Variants in CRYAB observed in about 807,000 individuals in gnomAD.
The protein encoded by CRYAB is alpha-crystallin B chain.
Under a neutral mutation model 12.7 loss-of-function variants are expected in CRYAB, and 9 were observed. That is an observed-to-expected ratio of 0.71 (90% CI 0.43 to 1.24). The LOEUF is 1.24. CRYAB is among the 50% of genes most tolerant of loss of function. The pLI, the probability that CRYAB is intolerant of heterozygous loss-of-function variation, is 0.00. For synonymous variants in CRYAB, 93 were observed against 86.8 expected (o/e 1.07, Z -0.40); for missense variants, 183 against 226.6 (o/e 0.81, Z 1.24).
chr11:111,912,687 C>T (rs868985098), upstream of CRYAB: 10 of 530,602 alleles, frequency 1.9e-5, 1 homozygote, highest in Admixed American at 5.7e-5. Flanking sequence ...CCCCTCCCCC[C>T]CCAAGAGGCT....
chr11:111,913,228 T>G, upstream of CRYAB: 1 of 547,776 alleles, frequency 1.8e-6, no homozygotes, highest in East Asian at 3.3e-5. Flanking sequence ...CTCCTCCTCC[T>G]TCTCCTCCTC....
intron 2 of CRYAB, chr11:111,909,991 T>C: frequency 1.7e-6 from 1 of 602,354 alleles, no homozygotes; most frequent in Non-Finnish European, 2.9e-6. Flanking sequence ...CATATGCTAA[T>C]TGGTCTGGAG....
At chr11:111,923,674 A>C (rs961135883) in intron 1 of CRYAB, 5 of 152,266 alleles carry the variant, frequency 3.3e-5, no homozygotes, top group African/African-American at 1.2e-4. Flanking sequence ...TCTGCCCTAC[A>C]GTGAGGGCAG....
upstream of CRYAB, chr11:111,912,738 T>G: frequency 2.0e-5 from 9 of 458,162 alleles, no homozygotes; most frequent in East Asian, 1.9e-4. Flanking sequence ...CCCCACCTCC[T>G]ATCGAGCCCT....
Position 111,911,593 on chromosome 11 carries a change from C to T in CRYAB, c.132G>A (p.Leu44=), listed in dbSNP as rs782054136. The T allele has an allele frequency of 6.2e-7, 1 of 1,613,286 alleles. No homozygotes were observed. The highest frequency in any genetic ancestry group is 1.1e-5 in the South Asian group (1 of 90,782). ...AGGGTGGCCGAAGGTAGAAGGGACT[C>T]AGGGAAGTAGACGTCGGGAAAAGAT... ...ESDLFPTSTS[L]SPFYLRPPSF... Residue 44 remains leucine (L), a synonymous_variant, in exon 1 of 3, where the codon CTG becomes CTA. Coordinates refer to ENST00000650687, the MANE Select transcript of CRYAB (RefSeq NM_001289808.2).
At chr11:111,923,219 T>C (rs1592519743) in intron 1 of CRYAB, among the ~76,000 whole-genome samples, 1 of 152,234 alleles carries the variant, frequency 6.6e-6, no homozygotes. Flanking sequence ...GCAGAAGAAG[T>C]AGAAAAACAC....
intron 2 of CRYAB, chr11:111,910,015 T>C: frequency 3.3e-6 from 2 of 614,684 alleles, no homozygotes; most frequent in Non-Finnish European, 2.9e-6. Flanking sequence ...GCCCGAGCAT[T>C]AGGTTTTTTG....
intron 1 of CRYAB, chr11:111,918,546 A>G: frequency 1.9e-5 from 9 of 475,466 alleles, no homozygotes; most frequent in Non-Finnish European, 3.4e-5. Context: ...AGTGAAACTC[A>G]GTTAAACCTG....
intron 1 of CRYAB, among the ~76,000 whole-genome samples, chr11:111,919,494 C>A (rs1252263285): frequency 6.6e-6 from 1 of 150,796 alleles, no homozygotes; most frequent in Non-Finnish European, 1.5e-5. Flanking sequence ...CAAAAAAAAA[C>A]AGAGCCAAGC....
upstream of CRYAB, chr11:111,912,628 C>A (rs1316506841): frequency 3.4e-6 from 2 of 595,628 alleles, no homozygotes; most frequent in Non-Finnish European, 6.0e-6. Context: ...GGGGTCCGGG[C>A]GGCGCTGGTC....
In CRYAB at chr11:111,908,639, AT is replaced by A. The variant is rs1965345813; in HGVS notation, c.*124del. Reference sequence around the variant, plus strand: ...AGACAGTTATCTGTTGCTGAATGATATTTTATTAGCTTGATAATTTGGGCCT... The same window carrying A: ...AGACAGTTATCTGTTGCTGAATGATATTTATTAGCTTGATAATTTGGGCCT... On this transcript the variant is annotated 3_prime_UTR_variant, in exon 3 of 3. Coordinates refer to ENST00000650687, the MANE Select transcript of CRYAB (RefSeq NM_001289808.2). The A allele has an allele frequency of 2.4e-6, 2 of 848,954 alleles. No individual in the cohort carries two copies. The highest frequency in any genetic ancestry group is 1.7e-5 in the African/African-American group (1 of 59,422). 52.6% of individuals were successfully genotyped at this position (848,954 alleles called of 1,614,324 possible). A position where few individuals can be genotyped will look rare whatever the true frequency, so the allele number is the denominator to read the frequency against.
intron 1 of CRYAB, chr11:111,918,886 T>G: frequency 6.6e-7 from 1 of 1,512,524 alleles, no homozygotes; most frequent in South Asian, 1.1e-5. Flanking sequence ...CTCCGGGAGC[T>G]GCCGCGGAAA....
intron 1 of CRYAB, chr11:111,910,851 CT>C (rs1293621800): frequency 3.1e-6 from 1 of 322,140 alleles, no homozygotes; most frequent in Non-Finnish European, 5.9e-6. Flanking sequence ...GAATGTTCTG[CT>C]GGTCCTGCTT....
Position 111,908,818 on chromosome 11 carries a change from G to T in CRYAB, c.474C>A (p.Thr158=). Residue 158 remains threonine, a synonymous_variant, in exon 3 of 3, where the codon ACC becomes ACA. Coordinates refer to ENST00000650687, the MANE Select transcript of CRYAB (RefSeq NM_001289808.2). ...GCTTCTCTTCACGGGTGATGGGAATGGTGCGCTCAGGGCCAGAGACCTGTT... is the reference window on the plus strand; with the variant it reads ...GCTTCTCTTCACGGGTGATGGGAATTGTGCGCTCAGGGCCAGAGACCTGTT... The part of the protein sequence containing the change: ...PRKQVSGPER[T]IPITREEKPA... The T allele has an allele frequency of 1.2e-6, 2 of 1,613,664 alleles. No homozygotes were observed. The highest frequency in any genetic ancestry group is 2.2e-5 in the East Asian group (1 of 44,878).
At position 111,911,508 on chromosome 11, in the gene CRYAB, C is replaced by T; in HGVS notation, c.201+16G>A. 6.2e-7 allele frequency: 1 copy of T among 1,602,364 alleles called. No homozygotes were observed. The highest frequency in any genetic ancestry group is 8.5e-7 in the Non-Finnish European group (1 of 1,174,898). ...TCCAGTAAGGACTCTCCCGTCCTAG[C>T]TGTGGGGAGACTCACCTCTGAGAGT... On this transcript the variant is annotated intron_variant, in intron 1 of 2. Transcript: ENST00000650687.
upstream of CRYAB, chr11:111,912,397 T>A: frequency 4.9e-6 from 1 of 203,538 alleles, no homozygotes; most frequent in Non-Finnish European, 1.0e-5. Flanking sequence ...CTCAGAACAT[T>A]AAATCCAGGA....
chr11:111,911,738 G>A lies in CRYAB; in HGVS notation c.-14C>T. The stretch of plus-strand genomic sequence containing the variant: ...GGCGATGTCCATGGTGGCTAGGTGA[G>A]TGTGAGGGGTCAGCTGGCTGGTCAG... On this transcript the variant is annotated 5_prime_UTR_variant, in exon 1 of 3. Coordinates refer to ENST00000650687, the MANE Select transcript of CRYAB (RefSeq NM_001289808.2). 1.3e-6 allele frequency: 2 copies of A among 1,561,478 alleles called. No homozygotes were observed. Among genetic ancestry groups the A allele is most frequent in the East Asian group, 2.3e-5 (1 of 43,036 alleles).
upstream of CRYAB, among the ~76,000 whole-genome samples, chr11:111,915,214 A>T (rs1235279235): frequency 2.6e-5 from 4 of 152,232 alleles, no homozygotes; most frequent in African/African-American, 7.2e-5. Context: ...TACAATTTGA[A>T]TAGGTTCCCA....
chr11:111,910,828 C>T lies in CRYAB; in HGVS notation c.202-379G>A, dbSNP rs183150821. ...CTCAGGTCTCTTTGCCAGTTTTCCA[C>T]CCACCCAATCTGGAATGTTCTGCTG... On this transcript the variant is annotated intron_variant, in intron 1 of 2. Transcript: ENST00000650687. The T allele has an allele frequency of 1.7e-3, 568 of 338,818 alleles. 6 individuals carry two copies. Among genetic ancestry groups the T allele is most frequent in the Middle Eastern group, 0.011 (11 of 1,000 alleles). 21.0% of individuals were successfully genotyped at this position (338,818 alleles called of 1,614,324 possible).
Sources: allele counts gnomAD v4.1 joint callset (sites outside exome capture counted in the v4.1 genomes callset), GRCh38; gene constraint gnomAD v4.1.1; transcripts MANE v1.5; gene names NCBI Gene and HGNC (gene_info 2026-07-23, HGNC 2026-07-21).